The following FHAD1 variants were observed in gnomAD, a reference collection of about 807,000 sequenced individuals.
The protein encoded by FHAD1 is forkhead associated phosphopeptide binding domain 1, also known as forkhead-associated domain-containing protein 1.
FHAD1 carries 146 observed loss-of-function variants against 191.3 expected under a neutral mutation model. The ratio of observed to expected loss-of-function variants is 0.76; its 90% CI spans 0.67 to 0.88. The LOEUF (loss-of-function observed/expected upper bound fraction) is 0.88. FHAD1 is among the 40% of genes least tolerant of loss of function. The pLI is 0.00. For missense variants in FHAD1, 1,635 were observed against 1,785.8 expected, an observed-to-expected ratio of 0.92 and a Z score of 1.52; for synonymous variants, 616 against 672.3, an observed-to-expected ratio of 0.92 and a Z score of 1.29.
chr1:15,356,469 T>G (rs907051770), intron 20 of FHAD1, among the ~76,000 whole-genome samples: 1 of 152,188 alleles, frequency 6.6e-6, no homozygotes, highest in African/African-American at 2.4e-5. Context: ...GCTTTCCCAC[T>G]CATTTACAGA....
chr1:15,360,324 C>G (rs1694368970), intron 21 of FHAD1, among the ~76,000 whole-genome samples, 154 bp from the exon 22 acceptor site: 1 of 152,178 alleles, frequency 6.6e-6, no homozygotes, highest in Admixed American at 6.5e-5. Flanking sequence ...ATGCAAGGAG[C>G]TGGGGAAGAA....
chr1:15,349,622 C>T (rs567954776), intron 19 of FHAD1, among the ~76,000 whole-genome samples: 17 of 152,320 alleles, frequency 1.1e-4, no homozygotes, highest in South Asian at 1.0e-3. Context: ...TCATGGACTC[C>T]GGAGCAGGCC....
At chr1:15,334,178 G>T (rs973563845) in intron 14 of FHAD1, 21 of 152,168 alleles carry the variant, frequency 1.4e-4, no homozygotes, top group African/African-American at 4.8e-4. Flanking sequence ...AAGTTGCCCA[G>T]AGTCACACAG....
chr1:15,294,086 A>G (rs1364663172), intron 4 of FHAD1, among the ~76,000 whole-genome samples: 1 of 152,114 alleles, frequency 6.6e-6, no homozygotes, highest in African/African-American at 2.4e-5. Flanking sequence ...TCCTGTAGTG[A>G]GGAGTTCCCC....
chr1:15,345,881 A>G (rs1688742141), intron 18 of FHAD1, among the ~76,000 whole-genome samples: 1 of 152,158 alleles, frequency 6.6e-6, no homozygotes, highest in Non-Finnish European at 1.5e-5. Context: ...CTCCACCAGC[A>G]TCCTAAAAGC....
intron 5 of FHAD1, among the ~76,000 whole-genome samples, chr1:15,297,071 C>T (rs1667211667): frequency 2.6e-5 from 4 of 152,198 alleles, no homozygotes; most frequent in Admixed American, 2.6e-4. Flanking sequence ...TTTTTTAAAT[C>T]ACCATCACTT....
chr1:15,388,862 G>A (rs538394531), intron 32 of FHAD1, among the ~76,000 whole-genome samples: 6 of 152,204 alleles, frequency 3.9e-5, no homozygotes, highest in Non-Finnish European at 7.3e-5. Flanking sequence ...AACAGCCTTC[G>A]TGGGGTGACA....
At chr1:15,392,947 C>T (rs1704595867) in intron 33 of FHAD1, among the ~76,000 whole-genome samples, 3 of 152,108 alleles carry the variant, frequency 2.0e-5, no homozygotes, top group African/African-American at 7.2e-5. Flanking sequence ...GAGAGACTGC[C>T]CTGGCCCTCA....
At chr1:15,328,158 C>T (rs1014446603) in intron 12 of FHAD1, 119 bp from the exon 13 acceptor site, 22 of 761,530 alleles carry the variant, frequency 2.9e-5, no homozygotes, top group Admixed American at 2.1e-4. Flanking sequence ...TCTGTCCTCC[C>T]GTGCTTAGAC....
At chr1:15,394,085 A>G (rs1006783411) in intron 33 of FHAD1, among the ~76,000 whole-genome samples, 5 of 152,104 alleles carry the variant, frequency 3.3e-5, no homozygotes, top group Non-Finnish European at 7.4e-5. Flanking sequence ...TTTTCATTCT[A>G]AGGGTGAGGC....
chr1:15,382,016 C>T lies in FHAD1; in HGVS notation c.4023-12C>T. 6.4e-7 allele frequency: 1 copy of T among 1,551,870 alleles called. No individual in the cohort carries two copies. The highest frequency in any genetic ancestry group is 8.7e-7 in the Non-Finnish European group (1 of 1,146,966). On this transcript the variant is annotated splice_polypyrimidine_tract_variant and intron_variant, in intron 30 of 33. Coordinates refer to ENST00000688493, the MANE Select transcript of FHAD1 (RefSeq NM_001391957.1). ...AAGGGAAAAACAGACGCCATCTCTC[C>T]TGTGCACCCAGGCGGAGCAAAGTGT...
chr1:15,398,687 A>AC (rs1356769100), downstream of FHAD1, among the ~76,000 whole-genome samples: 1 of 146,140 alleles, frequency 6.8e-6, no homozygotes, highest in African/African-American at 2.6e-5. Context: ...GTTTGGAGAG[A>AC]CCCCCATTTT....
intron 23 of FHAD1, chr1:15,364,166 C>T (rs1187285491): frequency 4.8e-6 from 1 of 210,518 alleles, no homozygotes; most frequent in Non-Finnish European, 9.6e-6. Flanking sequence ...AACACACTCA[C>T]GTGGACACAC....
chr1:15,391,334 G>C, intron 33 of FHAD1, 71 bp downstream of exon 33: 3 of 1,071,172 alleles, frequency 2.8e-6, no homozygotes, highest in Non-Finnish European at 3.8e-6. Flanking sequence ...TGTTTTGCTT[G>C]AGACGGAATC....
intron 25 of FHAD1, among the ~76,000 whole-genome samples, chr1:15,368,559 A>G (rs541746169): frequency 3.3e-5 from 5 of 152,308 alleles, no homozygotes; most frequent in East Asian, 3.9e-4. Context: ...TTTTGTGGCT[A>G]TCTGGTAGCT....
At position 15,311,094 on chromosome 1, in the gene FHAD1, G is replaced by GC. The variant is rs1251104781; in HGVS notation, c.1040-1958dup. ...AACAAACAAGATGAAATCTACGATT[G>GC]CCCCCGGCTGGCTTGCGCTGGAGAG... On this transcript the variant is annotated intron_variant, in intron 7 of 33. Transcript: ENST00000688493. The surrounding 1 kb of genome is among the most constrained non-coding windows in gnomAD (Gnocchi z 4.1). 6.6e-6 allele frequency among the ~76,000 whole-genome samples: 1 copy of GC among 152,200 alleles called. No individual in the cohort carries two copies. The highest frequency in any genetic ancestry group is 2.4e-5 in the African/African-American group (1 of 41,440).
At chr1:15,250,818 A>G (rs1052826930) in intron 1 of FHAD1, among the ~76,000 whole-genome samples, 2 of 152,046 alleles carry the variant, frequency 1.3e-5, no homozygotes, top group Non-Finnish European at 2.9e-5. Flanking sequence ...AGCCTGGGCA[A>G]AGAGCAAGAC....
At chr1:15,242,879 A>G (rs1645550605), upstream of FHAD1, among the ~76,000 whole-genome samples, 1 of 152,218 alleles carries the variant, frequency 6.6e-6, no homozygotes, top group African/African-American at 2.4e-5. Context: ...CCACTGATCC[A>G]TTGTTTCATA....
chr1:15,271,147 A>G (rs868705456), intron 2 of FHAD1, among the ~76,000 whole-genome samples: 165 of 148,402 alleles, frequency 1.1e-3, no homozygotes, highest in African/African-American at 3.8e-3. Flanking sequence ...TCGGAAAAAA[A>G]AAAAAAAAAA....
Sources: gnomAD v4.1 joint callset for allele counts (sites outside exome capture counted in the v4.1 genomes callset) on GRCh38, gnomAD v4.1.1 for gene constraint, Gnocchi (gnomAD v3.1) non-coding constraint, MANE v1.5 for transcripts, NCBI Gene and HGNC (gene_info 2026-07-23, HGNC 2026-07-21) for gene names.